The following AGO2 variants were observed in gnomAD, a reference collection of about 807,000 sequenced individuals.
AGO2 encodes the protein argonaute RISC catalytic component 2, also known as protein argonaute-2.
A neutral mutation model predicts 102.3 loss-of-function variants in AGO2; 5 were observed. The observed-to-expected ratio is 0.05, with a 90% CI of 0.03 to 0.10. AGO2 has a LOEUF of 0.10. AGO2 is among the 10% of genes least tolerant of loss of function. The pLI, the probability that AGO2 is intolerant of heterozygous loss-of-function variation, is 1.00. For synonymous variants in AGO2, 449 were observed against 473.1 expected (o/e 0.95, Z 0.66); for missense variants, 541 against 1,183.7 (o/e 0.46, Z 7.97).
At chr8:140,585,451 AG>A (rs1283667214) in intron 1 of AGO2, 140 bp from the exon 2 acceptor site, 2 of 909,568 alleles carry the variant, frequency 2.2e-6, no homozygotes, top group Non-Finnish European at 3.3e-6. Context: ...TCCACAGAGG[AG>A]GCGTCTCAAC....
At chr8:140,590,606 C>T (rs1046339331) in intron 1 of AGO2, among the ~76,000 whole-genome samples, 4 of 152,196 alleles carry the variant, frequency 2.6e-5, no homozygotes, top group African/African-American at 7.2e-5. Flanking sequence ...CGCTGGCCAC[C>T]GGTCACCCAC....
chr8:140,609,326 C>T (rs190421809), intron 1 of AGO2, among the ~76,000 whole-genome samples: 28 of 152,348 alleles, frequency 1.8e-4, no homozygotes, highest in African/African-American at 6.7e-4. Context: ...CCCGGCAGAG[C>T]GGTGGGCGGG....
intron 1 of AGO2, among the ~76,000 whole-genome samples, chr8:140,614,256 A>G (rs1212254818): frequency 6.6e-6 from 1 of 152,102 alleles, no homozygotes; most frequent in Non-Finnish European, 1.5e-5. Context: ...ACCGGGAGGT[A>G]GAGGTTGCAG....
intron 1 of AGO2, among the ~76,000 whole-genome samples, chr8:140,610,498 C>T (rs1263721074): frequency 6.6e-6 from 1 of 152,176 alleles, no homozygotes; most frequent in Non-Finnish European, 1.5e-5. Context: ...GGATTACAGG[C>T]GTGGGCCACC....
intron 1 of AGO2, among the ~76,000 whole-genome samples, chr8:140,605,520 G>A (rs996331137): frequency 2.6e-5 from 4 of 152,234 alleles, no homozygotes; most frequent in Non-Finnish European, 2.9e-5. Context: ...TAGGGAGGAC[G>A]CACGGGGATA....
At position 140,532,418 on chromosome 8, in the gene AGO2, G is replaced by A. The variant is rs777138988; in HGVS notation, c.2469C>T (p.Asp823=). The part of the protein sequence containing the change: ...ARYHLVDKEH[D]SAEGSHTSGQ... Reference sequence around the variant, plus strand: ...CTCCAGCCAGGCATGCCACTCACCTGTCATGTTCCTTATCCACCAGGTGGT... The same window carrying A: ...CTCCAGCCAGGCATGCCACTCACCTATCATGTTCCTTATCCACCAGGTGGT... The change falls in exon 18 of 19, where the codon GAC becomes GAT. Residue 823 remains aspartate, a splice_region_variant and synonymous_variant. Coordinates refer to ENST00000220592, the MANE Select transcript of AGO2 (RefSeq NM_012154.5). The A allele has an allele frequency of 5.0e-6, 8 of 1,612,554 alleles. No homozygotes were observed. The East Asian group carries it at 1.1e-4, about 22-fold the overall frequency.
chr8:140,563,300 G>A (rs2073232204), intron 3 of AGO2, among the ~76,000 whole-genome samples: 1 of 152,176 alleles, frequency 6.6e-6, no homozygotes, highest in Admixed American at 6.5e-5. Context: ...GTGCAGTATT[G>A]GCTCACTTCG....
In AGO2 at chr8:140,567,155, T is replaced by C. The variant is rs144281138; in HGVS notation, c.337-4521A>G. ...AGCAAAATACATTCTAATTTGTAAA[T>C]GTATTTCAGTCCAGCCTCCGCTTGG... is the stretch of plus-strand genomic sequence containing the variant. On this transcript the variant is annotated intron_variant, in intron 3 of 18. Coordinates refer to ENST00000220592, the MANE Select transcript of AGO2 (RefSeq NM_012154.5). This position sits in a 1 kb window ranked among gnomAD's most constrained non-coding sequence, Gnocchi z 5.0. 5.4e-4 allele frequency among the ~76,000 whole-genome samples: 82 copies of C among 152,280 alleles called. 1 individual carries two copies. Among genetic ancestry groups the C allele is most frequent in the African/African-American group, 1.9e-3 (80 of 41,572 alleles).
chr8:140,535,790 C>G (rs2072685936), intron 16 of AGO2, among the ~76,000 whole-genome samples: 1 of 152,232 alleles, frequency 6.6e-6, no homozygotes, highest in Non-Finnish European at 1.5e-5. Context: ...TTATTTTCCG[C>G]CAACTCTCAT....
chr8:140,543,924 C>T (rs2132886265), intron 14 of AGO2, among the ~76,000 whole-genome samples: 2 of 152,354 alleles, frequency 1.3e-5, no homozygotes, highest in Middle Eastern at 6.8e-3. Context: ...CTACCACCCG[C>T]CAGTCAGGCC....
intron 1 of AGO2, among the ~76,000 whole-genome samples, chr8:140,627,998 G>GAA (rs1356023727): frequency 6.6e-6 from 1 of 152,146 alleles, no homozygotes; most frequent in African/African-American, 2.4e-5. Flanking sequence ...ATGCTCCCTG[G>GAA]AGCTGCTCGA....
At chr8:140,553,458 G>A (rs188577069) in intron 10 of AGO2, among the ~76,000 whole-genome samples, 8 of 148,284 alleles carry the variant, frequency 5.4e-5, no homozygotes, top group Non-Finnish European at 1.0e-4. Context: ...TGCCCAGGCT[G>A]GAGTGCAATG....
chr8:140,615,834 GTC>G (rs1477862847), intron 1 of AGO2, among the ~76,000 whole-genome samples: 2 of 152,250 alleles, frequency 1.3e-5, no homozygotes, highest in Non-Finnish European at 2.9e-5. Flanking sequence ...TGTTTGCTCT[GTC>G]TCTCTGGGGC....
At chr8:140,633,338 G>C (rs1328661667) in intron 1 of AGO2, among the ~76,000 whole-genome samples, 1 of 152,154 alleles carries the variant, frequency 6.6e-6, no homozygotes, top group Non-Finnish European at 1.5e-5. Flanking sequence ...TATAATTACA[G>C]CACGTTTGTA....
intron 1 of AGO2, among the ~76,000 whole-genome samples, chr8:140,618,768 C>T (rs547501956): frequency 3.1e-4 from 43 of 139,046 alleles, no homozygotes; most frequent in South Asian, 4.7e-4. Context: ...TGCAGTGAGC[C>T]GTGATTGTAT....
chr8:140,544,989 G>T (rs991771836), intron 13 of AGO2, among the ~76,000 whole-genome samples: 40 of 152,126 alleles, frequency 2.6e-4, no homozygotes, highest in African/African-American at 8.7e-4. Flanking sequence ...GTGCACCGCC[G>T]CACACCCCAC....
At position 140,607,431 on chromosome 8, in the gene AGO2, G is replaced by A. The variant is rs888422297; in HGVS notation, c.23-22120C>T. On this transcript the variant is annotated intron_variant, in intron 1 of 18. Coordinates refer to ENST00000220592, the MANE Select transcript of AGO2 (RefSeq NM_012154.5). Reference sequence around the variant, plus strand: ...CAGCTGGGCAACCTAGTGAGACCCCGTCTCACCCCCACCTCTTAAAGAAAA... The same window carrying A: ...CAGCTGGGCAACCTAGTGAGACCCCATCTCACCCCCACCTCTTAAAGAAAA... Among the ~76,000 whole-genome samples, 36 of 140,052 alleles carry A rather than the reference G, an allele frequency of 2.6e-4. 1 individual carries two copies. Among genetic ancestry groups the A allele is most frequent in the South Asian group, 6.8e-4 (3 of 4,408 alleles). 91.9% of individuals were successfully genotyped at this position (140,052 alleles called of 152,430 possible).
intron 17 of AGO2, chr8:140,535,260 T>C: frequency 3.4e-6 from 2 of 582,242 alleles, no homozygotes; most frequent in South Asian, 2.0e-5. Flanking sequence ...GACTTCCTTT[T>C]TCTGGGAGGC....
chr8:140,587,543 G>A (rs2073677620), intron 1 of AGO2, among the ~76,000 whole-genome samples: 1 of 152,198 alleles, frequency 6.6e-6, no homozygotes, highest in African/African-American at 2.4e-5. Context: ...ACAAGCTGGA[G>A]GATCAAAGCC....
Sources: allele counts gnomAD v4.1 joint callset (sites outside exome capture counted in the v4.1 genomes callset), GRCh38; gene constraint gnomAD v4.1.1; non-coding constraint Gnocchi (gnomAD v3.1); transcripts MANE v1.5; gene names NCBI Gene and HGNC (gene_info 2026-07-23, HGNC 2026-07-21).